The following MGAT4C variants were observed in gnomAD, a reference collection of about 807,000 sequenced individuals.
The protein encoded by MGAT4C is MGAT4 family member C, also known as alpha-1,3-mannosyl-glycoprotein 4-beta-N-acetylglucosaminyltransferase C.
Under a neutral mutation model 40.1 loss-of-function variants are expected in MGAT4C, and 19 were observed. The ratio of observed to expected loss-of-function variants is 0.47; its 90% CI spans 0.33 to 0.70. MGAT4C has a LOEUF of 0.70. MGAT4C is among the 30% of genes least tolerant of loss of function. MGAT4C has a pLI of 0.02. For synonymous variants in MGAT4C, 181 were observed against 187.1 expected (o/e 0.97, Z 0.27); for missense variants, 491 against 563.2 (o/e 0.87, Z 1.30).
At chr12:86,571,835 T>C in intron 2 of MGAT4C, among the ~76,000 whole-genome samples, 1 of 152,132 alleles carries the variant, frequency 6.6e-6, no homozygotes, top group African/African-American at 2.4e-5. Flanking sequence ...GAAATGTAGA[T>C]TAGGCACTTA....
intron 1 of MGAT4C, among the ~76,000 whole-genome samples, chr12:86,774,291 C>A (rs1273868693): frequency 3.5e-5 from 1 of 28,596 alleles, no homozygotes; most frequent in Non-Finnish European, 8.8e-5. Context: ...CTCTTTCTTT[C>A]TTTCTTTCTT....
At chr12:86,782,342 C>A (rs977822068) in intron 1 of MGAT4C, among the ~76,000 whole-genome samples, 6 of 151,584 alleles carry the variant, frequency 4.0e-5, no homozygotes, top group African/African-American at 1.5e-4. Context: ...CCACTACGCC[C>A]GGCTAATTTT....
chr12:86,414,309 C>A (rs1257841681), intron 3 of MGAT4C, among the ~76,000 whole-genome samples: 1 of 152,090 alleles, frequency 6.6e-6, no homozygotes, highest in Non-Finnish European at 1.5e-5. Flanking sequence ...ACCAGAAAGT[C>A]ATCGGCATTA....
chr12:86,802,886 C>T (rs1285172860), intron 1 of MGAT4C, among the ~76,000 whole-genome samples: 1 of 140,284 alleles, frequency 7.1e-6, no homozygotes, highest in African/African-American at 2.7e-5. Flanking sequence ...GCTACCAATG[C>T]CTTTCTTCAC....
chr12:86,360,873 GA>G (rs1288044120), intron 3 of MGAT4C, among the ~76,000 whole-genome samples: 1 of 152,178 alleles, frequency 6.6e-6, no homozygotes, highest in African/African-American at 2.4e-5. Context: ...CATGCTCATG[GA>G]TAGGAAGAAT....
chr12:85,965,921 G>C lies in MGAT4C; in HGVS notation c.*13368C>G, dbSNP rs1883341031. The C allele has an allele frequency of 6.6e-6, 1 of 151,972 alleles. No homozygotes were observed. Among genetic ancestry groups the C allele is most frequent in the Non-Finnish European group, 1.5e-5 (1 of 67,990 alleles). The allele number at this position is 151,972 out of a possible 1,614,324, so 9.4% of individuals were successfully genotyped here. A position where few individuals can be genotyped will look rare whatever the true frequency, so the allele number is the denominator to read the frequency against. On this transcript the variant is annotated 3_prime_UTR_variant, in exon 5 of 5. Coordinates refer to ENST00000611864, the MANE Select transcript of MGAT4C (RefSeq NM_001351288.2). ...TAATAATGATACAAGGTGACTTGTA[G>C]GACTCTGGATAGAAAGAGATGGCCC...
chr12:86,681,970 A>G (rs1949991244), intron 2 of MGAT4C, among the ~76,000 whole-genome samples: 1 of 152,022 alleles, frequency 6.6e-6, no homozygotes, highest in East Asian at 1.9e-4. Context: ...TGCACAATTA[A>G]CCTATAGAGA....
At chr12:86,317,461 A>T (rs1954269379) in intron 4 of MGAT4C, among the ~76,000 whole-genome samples, 1 of 152,190 alleles carries the variant, frequency 6.6e-6, no homozygotes, top group Admixed American at 6.5e-5. Flanking sequence ...ATTAGACTCA[A>T]CAATATTAAC....
intron 2 of MGAT4C, among the ~76,000 whole-genome samples, chr12:86,590,762 G>C (rs772129780): frequency 2.0e-4 from 30 of 151,960 alleles, no homozygotes; most frequent in Non-Finnish European, 3.4e-4. Flanking sequence ...TGAATTCAGT[G>C]GTACTTTCAG....
intron 1 of MGAT4C, among the ~76,000 whole-genome samples, chr12:86,765,237 A>G (rs1226806961): frequency 1.3e-5 from 2 of 152,208 alleles, no homozygotes; most frequent in African/African-American, 4.8e-5. Context: ...CTCAGGAGCT[A>G]ATGCAATCAA....
At chr12:86,537,516 G>GA (rs982492194) in intron 2 of MGAT4C, among the ~76,000 whole-genome samples, 3 of 151,330 alleles carry the variant, frequency 2.0e-5, no homozygotes, top group Admixed American at 6.6e-5. Context: ...AACCAAAAAG[G>GA]AAAAAAAAGT....
chr12:86,248,979 A>C (rs1952156364), intron 1 of MGAT4C, among the ~76,000 whole-genome samples: 1 of 152,136 alleles, frequency 6.6e-6, no homozygotes, highest in South Asian at 2.1e-4. Flanking sequence ...AAAATTTTAC[A>C]CCAAGAAAAG....
chr12:86,431,977 T>C (rs1244838117), intron 3 of MGAT4C, among the ~76,000 whole-genome samples: 5 of 151,886 alleles, frequency 3.3e-5, no homozygotes, highest in Non-Finnish European at 7.4e-5. Flanking sequence ...AGAGAGGAAG[T>C]ATTAGGTCAA....
intron 2 of MGAT4C, among the ~76,000 whole-genome samples, chr12:86,504,120 G>T (rs1009392177): frequency 1.3e-5 from 2 of 151,924 alleles, no homozygotes; most frequent in African/African-American, 4.8e-5. Context: ...CCTTCATGAA[G>T]AGATGCCACT....
intron 1 of MGAT4C, among the ~76,000 whole-genome samples, chr12:86,165,870 A>C (rs926227030): frequency 1.3e-5 from 2 of 152,170 alleles, no homozygotes; most frequent in Non-Finnish European, 2.9e-5. Flanking sequence ...TAAAATTGTG[A>C]TACAGAAAGA....
intron 1 of MGAT4C, among the ~76,000 whole-genome samples, chr12:86,798,612 T>C (rs1660940046): frequency 6.6e-6 from 1 of 151,962 alleles, no homozygotes; most frequent in South Asian, 2.1e-4. Context: ...TTTGTCTTTG[T>C]ATACAATTTT....
intron 3 of MGAT4C, among the ~76,000 whole-genome samples, chr12:86,335,740 C>G (rs932120848): frequency 6.6e-6 from 1 of 152,142 alleles, no homozygotes; most frequent in African/African-American, 2.4e-5. Flanking sequence ...ACTAGAATTT[C>G]TATACATCTC....
In MGAT4C at chr12:86,837,872, A is replaced by G. The variant is rs138225907; in HGVS notation, c.-262+794T>C. Among the ~76,000 whole-genome samples the G allele has an allele frequency of 7.0e-4, 106 of 152,282 alleles. 1 individual carries two copies. The highest frequency in any genetic ancestry group is 2.5e-3 in the African/African-American group (103 of 41,570). ...CACCTTTGCTGTTCTAAGATATCAT[A>G]AGTATAATGGGATAAATTTCAGTTT... is the stretch of plus-strand genomic sequence containing the variant. On this transcript the variant is annotated intron_variant, in intron 1 of 7. Transcript: ENST00000548651.
intron 4 of MGAT4C, among the ~76,000 whole-genome samples, chr12:86,294,192 T>C (rs1236047613): frequency 2.6e-5 from 4 of 152,120 alleles, no homozygotes; most frequent in East Asian, 3.9e-4. Flanking sequence ...CTATTTTACT[T>C]AGCTAACTCG....
Sources: allele counts gnomAD v4.1 joint callset (sites outside exome capture counted in the v4.1 genomes callset), GRCh38; gene constraint gnomAD v4.1.1; transcripts MANE v1.5; gene names NCBI Gene and HGNC (gene_info 2026-07-23, HGNC 2026-07-21).